IFRD2: variants seen among roughly 807,000 people sequenced by gnomAD.
IFRD2 encodes interferon-related developmental regulator 2.
Under a neutral mutation model 49.2 loss-of-function variants are expected in IFRD2, and 35 were observed. The ratio of observed to expected loss-of-function variants is 0.71; its 90% confidence interval spans 0.54 to 0.94. IFRD2 has a LOEUF of 0.94. Among genes scored for constraint, IFRD2 ranks in the 40% least tolerant of loss-of-function variants. IFRD2 has a pLI of 0.00. For synonymous variants in IFRD2, 275 were observed against 239.7 expected, an observed-to-expected ratio of 1.15 and a Z score of -1.36; for missense variants, 561 against 591.6, an observed-to-expected ratio of 0.95 and a Z score of 0.54.
Position 50,289,521 on chromosome 3 carries a change from G to A in IFRD2, c.705C>T (p.Leu235=), listed in dbSNP as rs367665524. The change falls in exon 7 of 12, where the codon CTC becomes CTT. Residue 235 remains leucine (L), a synonymous_variant. Coordinates refer to ENST00000417626, the MANE Select transcript of IFRD2 (RefSeq NM_006764.5). The part of the protein sequence containing the change: ...PVVPASLHGL[L]SAALQAWALL... ...ATGCCCAGGCCTGCAGGGCAGCAGA[G>A]AGCAGGCCGTGCAGGCTGGCAGGAA... 10 of 1,583,914 alleles carry A rather than the reference G, an allele frequency of 6.3e-6. No individual in the cohort carries two copies. The highest frequency in any genetic ancestry group is 1.8e-5 in the Admixed American group (1 of 54,698).
rs782225359 is a variant in IFRD2 at position 50,288,638 on chromosome 3, C to T, written c.1097G>A (p.Arg366Gln). Residue 366 changes from arginine (R) to glutamine (Q), a missense_variant, in exon 10 of 12, where the codon CGG (arginine) becomes CAG (glutamine). Arg to Gln is a conservative substitution (Grantham distance 43, BLOSUM62 1). Coordinates refer to ENST00000417626, the MANE Select transcript of IFRD2 (RefSeq NM_006764.5). ...CACTTCCTTGAAGGCAGCGTAGATC[C>T]GGTGCCGAGCCCAGCTGTCCATGTA... The part of the protein sequence containing the change: ...VLYMDSWARH[R>Q]IYAAFKEVLG... 1.9e-5 allele frequency: 31 copies of T among 1,612,788 alleles called. No individual in the cohort carries two copies. The highest frequency in any genetic ancestry group is 6.7e-5 in the African/African-American group (5 of 74,598).
In IFRD2 at chr3:50,288,307, T is replaced by G. The variant is rs587733872; in HGVS notation, c.1249-36A>C. The G allele has an allele frequency of 2.2e-5, 35 of 1,609,270 alleles. No homozygotes were observed. The South Asian group carries it at 3.5e-4, about 16-fold the overall frequency. ...GACAGAGAGTGACACCCTGGGGAGC[T>G]GGGAAGGGAAAGGGCTGGGGGTCCT... On this transcript the variant is annotated intron_variant, in intron 11 of 11. Transcript: ENST00000417626.
At chr3:50,288,764 G>A (rs1701611231) in intron 9 of IFRD2, 36 bp downstream of exon 9, 1 of 1,611,852 alleles carries the variant, frequency 6.2e-7, no homozygotes, top group Non-Finnish European at 8.5e-7. Context: ...GCCTGGGGGT[G>A]CACCCTTGCT....
At chr3:50,290,819 G>T in intron 1 of IFRD2, 140 bp from the exon 2 acceptor site, 1 of 1,115,682 alleles carries the variant, frequency 9.0e-7, no homozygotes, top group Non-Finnish European at 1.3e-6. Flanking sequence ...GGTCAGTTCA[G>T]TAGGGCTGGT....
Position 50,288,573 on chromosome 3 carries a change from G to A in IFRD2, c.1152+10C>T, listed in dbSNP as rs372041517. On this transcript the variant is annotated intron_variant, in intron 10 of 11. Coordinates refer to ENST00000417626, the MANE Select transcript of IFRD2 (RefSeq NM_006764.5). The stretch of plus-strand genomic sequence containing the variant: ...CACACCAGATGTCCCCTCCCTGTCC[G>A]TCCCCGCACCTGGAGGTGGTGGTGC... The A allele has an allele frequency of 3.5e-5, 56 of 1,613,920 alleles. No individual in the cohort carries two copies. Among genetic ancestry groups the A allele is most frequent in the Non-Finnish European group, 4.2e-5 (50 of 1,179,862 alleles).
Position 50,288,163 on chromosome 3 carries a change from GAA to G in IFRD2, c.*26_*27del, listed in dbSNP as rs1701592132. ...GTTAAAAATACGGACCAAGGGCATA[GAA>G]AGTCTCCTCTTCAGCAGGTCCTGCT... On this transcript the variant is annotated 3_prime_UTR_variant, in exon 12 of 12. Coordinates refer to ENST00000417626, the MANE Select transcript of IFRD2 (RefSeq NM_006764.5). 1 of 1,584,024 alleles carries G rather than the reference GAA, an allele frequency of 6.3e-7. No individual in the cohort carries two copies. The highest frequency in any genetic ancestry group is 1.3e-5 in the African/African-American group (1 of 74,262).
intron 1 of IFRD2, among the ~76,000 whole-genome samples, chr3:50,291,368 C>G (rs1053171166): frequency 1.3e-5 from 2 of 152,136 alleles, no homozygotes; most frequent in African/African-American, 2.4e-5. Context: ...CCCTCATTCA[C>G]TCCACTGCGC....
rs78165652 is a variant in IFRD2, at chr3:50,289,452, A to G, written c.774T>C (p.Leu258=). The G allele has an allele frequency of 0.016, 25,836 of 1,576,902 alleles. 233 individuals are homozygous for G. Among genetic ancestry groups the G allele is most frequent in the Non-Finnish European group, 0.02 (22,894 of 1,161,048 alleles). The change falls in exon 7 of 12, where the codon CTT becomes CTC. Residue 258 remains leucine, a synonymous_variant. Coordinates refer to ENST00000417626, the MANE Select transcript of IFRD2 (RefSeq NM_006764.5). ...ICPSTQISHI[L]DRQLPRLPQL... ...CAGTGGACAGCCACCCCTACCTGTC[A>G]AGGATGTGGCTGATTTGGGTGCTAG... is the stretch of plus-strand genomic sequence containing the variant.
At chr3:50,292,119 G>A in intron 1 of IFRD2, 98 bp downstream of exon 1, 4 of 1,288,990 alleles carry the variant, frequency 3.1e-6, no homozygotes, top group Non-Finnish European at 4.1e-6. Flanking sequence ...CTGGCCGAGG[G>A]GGTTCCCCAC....
At chr3:50,290,700 C>A in intron 1 of IFRD2, 21 bp from the exon 2 acceptor site, 1 of 1,611,248 alleles carries the variant, frequency 6.2e-7, no homozygotes, top group African/African-American at 1.3e-5. Flanking sequence ...TGGAATAGGA[C>A]ACTCAACTTG....
intron 1 of IFRD2, chr3:50,291,694 C>G (rs1701676685): frequency 6.5e-6 from 1 of 153,542 alleles, no homozygotes; most frequent in Non-Finnish European, 1.4e-5. Context: ...ATGTGTTTAA[C>G]GCATTAAGAT....
chr3:50,291,835 C>A, intron 1 of IFRD2: 1 of 212,922 alleles, frequency 4.7e-6, no homozygotes, highest in South Asian at 1.2e-4. Context: ...AGAGCCCCCT[C>A]CCTCTCTTCA....
chr3:50,288,703 T>C lies in IFRD2; in HGVS notation c.1032A>G (p.Glu344=). The change falls in exon 10 of 12, where the codon GAA becomes GAG. Residue 344 remains glutamate, a synonymous_variant. Coordinates refer to ENST00000417626, the MANE Select transcript of IFRD2 (RefSeq NM_006764.5). ...RAVLHSVEGG[E]CEEEIVRFGF... Reference sequence around the variant, plus strand: ...CGAAGCGCACTATCTCTTCTTCGCATTCACCGCCCTGCAGGGTAGAGGTGC... The same window carrying C: ...CGAAGCGCACTATCTCTTCTTCGCACTCACCGCCCTGCAGGGTAGAGGTGC... 1 of 1,613,532 alleles carries C rather than the reference T, an allele frequency of 6.2e-7. No homozygotes were observed. Among genetic ancestry groups the C allele is most frequent in the Non-Finnish European group, 8.5e-7 (1 of 1,179,724 alleles).
chr3:50,288,299 T>C (rs1357583833), intron 11 of IFRD2, 28 bp from the exon 12 acceptor site: 2 of 1,610,628 alleles, frequency 1.2e-6, no homozygotes, highest in Non-Finnish European at 1.7e-6. Flanking sequence ...AGTGACACCC[T>C]GGGGAGCTGG....
intron 1 of IFRD2, 76 bp from the exon 2 acceptor site, chr3:50,290,755 T>A: frequency 6.5e-7 from 1 of 1,549,700 alleles, no homozygotes. Flanking sequence ...CTCGACCTCA[T>A]AATCCCAAAA....
Position 50,290,052 on chromosome 3 carries a change from C to A in IFRD2, c.423G>T (p.Val141=), listed in dbSNP as rs1296004514. ...CCAGCTGCACGCAGAGCAGGCCTAG[C>A]ACAGCAGCAGCCAGGGCTTGTTCCT... ...KGEEQALAAA[V]LGLLCVQLGP... Residue 141 remains valine, a synonymous_variant, in exon 5 of 12, where the codon GTG becomes GTT. Transcript: ENST00000417626. The A allele has an allele frequency of 1.2e-6, 2 of 1,613,712 alleles. No homozygotes were observed. Among genetic ancestry groups the A allele is most frequent in the East Asian group, 2.2e-5 (1 of 44,898 alleles).
In IFRD2 at chr3:50,289,871, A is replaced by G. The variant is rs1701638025; in HGVS notation, c.546+58T>C. 5 of 1,604,888 alleles carry G rather than the reference A, an allele frequency of 3.1e-6. No homozygotes were observed. The African/African-American group carries it at 5.3e-5, about 17-fold the overall frequency. On this transcript the variant is annotated intron_variant, in intron 5 of 11. Transcript: ENST00000417626. The stretch of plus-strand genomic sequence containing the variant: ...AGGAGGCTGAAGATAGGGGGAACCC[A>G]CCACTCTGCTGAGGGATAAGGTGCA...
In IFRD2 at chr3:50,288,288, G is replaced by C. The variant is rs373810104; in HGVS notation, c.1249-17C>G. Reference sequence around the variant, plus strand: ...GTACAGGTGCTAGAGTGGGGACAGAGAGTGACACCCTGGGGAGCTGGGAAG... The same window carrying C: ...GTACAGGTGCTAGAGTGGGGACAGACAGTGACACCCTGGGGAGCTGGGAAG... On this transcript the variant is annotated splice_polypyrimidine_tract_variant and intron_variant, in intron 11 of 11. Transcript: ENST00000417626. 92 of 1,612,726 alleles carry C rather than the reference G, an allele frequency of 5.7e-5. No homozygotes were observed. Among genetic ancestry groups the C allele is most frequent in the East Asian group, 1.1e-4 (5 of 44,840 alleles).
rs1553709289 is a variant in IFRD2, at chr3:50,289,461, G to A, written c.765C>T (p.Ser255=). ...LLTICPSTQI[S]HILDRQLPRL... ...GCCACCCCTACCTGTCAAGGATGTGGCTGATTTGGGTGCTAGGGCAGATGG... is the reference window on the plus strand; with the variant it reads ...GCCACCCCTACCTGTCAAGGATGTGACTGATTTGGGTGCTAGGGCAGATGG... The change falls in exon 7 of 12, where the codon AGC becomes AGT. Residue 255 remains serine (S), a synonymous_variant. Transcript: ENST00000417626. The A allele has an allele frequency of 6.3e-7, 1 of 1,580,178 alleles. No homozygotes were observed. The highest frequency in any genetic ancestry group is 1.3e-5 in the African/African-American group (1 of 74,268).
Sources: gnomAD v4.1 joint callset for allele counts (sites outside exome capture counted in the v4.1 genomes callset) on GRCh38, gnomAD v4.1.1 for gene constraint, MANE v1.5 for transcripts, NCBI Gene and HGNC (gene_info 2026-07-23, HGNC 2026-07-21) for gene names.